The following DST variants were observed in gnomAD, a reference collection of about 807,000 sequenced individuals.
The protein encoded by DST is bullous pemphigoid antigen.
A neutral mutation model predicts 875.2 loss-of-function variants in DST; 253 were observed. The observed-to-expected ratio is 0.29, with a 90% CI of 0.26 to 0.32. The LOEUF (loss-of-function observed/expected upper bound fraction) is 0.32, where lower values mean the gene tolerates loss of function less well. Ranked by LOEUF, DST falls within the 10% of genes least tolerant of loss-of-function variation. The pLI, the probability that DST is intolerant of heterozygous loss-of-function variation, is 1.00. For missense variants in DST, 8,287 were observed against 9,111.6 expected, an observed-to-expected ratio of 0.91 and a Z score of 3.68; for synonymous variants, 3,124 against 3,197.1, an observed-to-expected ratio of 0.98 and a Z score of 0.77.
At chr6:56,538,978 T>G (rs6906792) in intron 61 of DST, among the ~76,000 whole-genome samples, 99,966 of 151,914 alleles carry the variant, frequency 0.66, 33,456 homozygotes, top group Non-Finnish European at 0.71. Context: ...CTTCCAGGAC[T>G]AATAGCTTTG....
intron 60 of DST, among the ~76,000 whole-genome samples, 198 bp downstream of exon 60, chr6:56,555,147 G>A (rs902884853): frequency 2.6e-5 from 4 of 152,272 alleles, no homozygotes; most frequent in African/African-American, 9.6e-5. Context: ...GATTATGTGT[G>A]TAGAATGACC....
intron 31 of DST, 143 bp downstream of exon 31, chr6:56,630,102 A>T (rs767878576): frequency 1.5e-6 from 1 of 686,498 alleles, no homozygotes; most frequent in Non-Finnish European, 2.5e-6. Context: ...TACTTAGAGT[A>T]AACTGTGAGA....
rs1160205003 is a variant in DST at position 56,604,832 on chromosome 6, C to G, written c.9796G>C (p.Glu3266Gln). 6.2e-7 allele frequency: 1 copy of G among 1,612,606 alleles called. No individual in the cohort carries two copies. The highest frequency in any genetic ancestry group is 8.5e-7 in the Non-Finnish European group (1 of 1,179,284). The change falls in exon 40 of 104, where the codon GAA becomes CAA. Residue 3266 changes from glutamate to glutamine, a missense_variant. Glu to Gln is a conservative substitution (Grantham distance 29). This residue lies in a region of DST where 3,138 missense variants were observed against 3,116.6 expected (regional missense o/e 1.01). Coordinates refer to ENST00000680361, the MANE Select transcript of DST (RefSeq NM_001374736.1). ...GGTEISQFTP[E>Q]SIEATLSILS... ...ATTGAAAGTGTGGCTTCAATACTTT[C>G]TGGTGTGAACTGAGAAATTTCTGTT... is the stretch of plus-strand genomic sequence containing the variant.
intron 100 of DST, chr6:56,464,098 A>G (rs2094465184): frequency 2.5e-6 from 1 of 398,404 alleles, no homozygotes; most frequent in African/African-American, 2.1e-5. Flanking sequence ...CCAGCTACAG[A>G]TGCCCACATG....
chr6:56,644,611 T>A (rs1338279212), intron 15 of DST, among the ~76,000 whole-genome samples: 1 of 152,136 alleles, frequency 6.6e-6, no homozygotes, highest in African/African-American at 2.4e-5. Flanking sequence ...ACAACCAAGA[T>A]AAGCACTATG....
intron 10 of DST, among the ~76,000 whole-genome samples, chr6:56,657,147 T>C (rs2099012883): frequency 6.6e-6 from 1 of 152,142 alleles, no homozygotes; most frequent in South Asian, 2.1e-4. Context: ...ATTATAAGCA[T>C]TTTGTATTGG....
intron 4 of DST, among the ~76,000 whole-genome samples, chr6:56,849,384 G>A (rs989435519): frequency 2.6e-5 from 4 of 151,982 alleles, no homozygotes; most frequent in African/African-American, 7.3e-5. Context: ...ATCCGCCCAC[G>A]GGGGCCTCCC....
At chr6:56,903,051 G>A (rs929780414) in intron 2 of DST, among the ~76,000 whole-genome samples, 4 of 150,412 alleles carry the variant, frequency 2.7e-5, no homozygotes, top group Admixed American at 2.0e-4. Flanking sequence ...CCAGAGTTTA[G>A]TTTGACCACT....
chr6:56,596,872 G>C (rs1563065308), intron 47 of DST, among the ~76,000 whole-genome samples: 1 of 152,184 alleles, frequency 6.6e-6, no homozygotes, highest in Non-Finnish European at 1.5e-5. Context: ...GGAGTAAATT[G>C]GTAGAAGGGC....
chr6:56,817,949 T>C (rs527499923), intron 4 of DST, among the ~76,000 whole-genome samples: 1 of 152,152 alleles, frequency 6.6e-6, no homozygotes, highest in Non-Finnish European at 1.5e-5. Flanking sequence ...ATCAAAAGGG[T>C]TATCAAAAGA....
At chr6:56,699,853 T>A (rs2099286272) in intron 8 of DST, 108 bp from the exon 9 acceptor site, 1 of 535,832 alleles carries the variant, frequency 1.9e-6, no homozygotes, top group Non-Finnish European at 3.2e-6. Context: ...AAAAATGGAA[T>A]AATTTAAACA....
At chr6:56,716,609 T>C (rs969709306) in intron 5 of DST, among the ~76,000 whole-genome samples, 2 of 152,146 alleles carry the variant, frequency 1.3e-5, no homozygotes, top group Non-Finnish European at 2.9e-5. Flanking sequence ...CAGCTACTCA[T>C]GAAACTGCCT....
intron 50 of DST, among the ~76,000 whole-genome samples, chr6:56,574,645 TAAA>T (rs200882784): frequency 1.4e-5 from 2 of 144,876 alleles, no homozygotes; most frequent in Non-Finnish European, 3.1e-5. Context: ...TTCAAGATGC[TAAA>T]AAAAAAAACC....
intron 5 of DST, among the ~76,000 whole-genome samples, chr6:56,712,323 G>A (rs1287123837): frequency 6.6e-6 from 1 of 152,106 alleles, no homozygotes; most frequent in Admixed American, 6.5e-5. Context: ...AAGGAAAAGA[G>A]GAGAAACCAA....
At chr6:56,651,400 C>G (rs2098974960) in intron 10 of DST, among the ~76,000 whole-genome samples, 156 bp from the exon 11 acceptor site, 1 of 152,174 alleles carries the variant, frequency 6.6e-6, no homozygotes. Flanking sequence ...TAACATTGCT[C>G]ACTTATCTCA....
chr6:56,618,503 T>A lies in DST; in HGVS notation c.4930-4019A>T, dbSNP rs1269420576. The A allele has an allele frequency of 1.2e-6, 2 of 1,614,178 alleles. No homozygotes were observed. Among genetic ancestry groups the A allele is most frequent in the African/African-American group, 2.7e-5 (2 of 75,054 alleles). On this transcript the variant is annotated intron_variant, in intron 36 of 103. Transcript: ENST00000680361. ...CTGTTGGTCCATTTTTTGCTTCAGG[T>A]TTTCAACCTCACGCTTCTGGGCTAT...
At chr6:56,773,414 G>A (rs1159368746) in intron 4 of DST, among the ~76,000 whole-genome samples, 1 of 151,178 alleles carries the variant, frequency 6.6e-6, no homozygotes, top group Admixed American at 6.6e-5. Context: ...CCCAGATTTG[G>A]GTCCCCTGAA....
At chr6:56,731,438 A>G (rs1279185905) in intron 5 of DST, among the ~76,000 whole-genome samples, 1 of 152,220 alleles carries the variant, frequency 6.6e-6, no homozygotes, top group Admixed American at 6.5e-5. Flanking sequence ...GAAACACAAT[A>G]GTTTGTTAAA....
intron 2 of DST, among the ~76,000 whole-genome samples, chr6:56,910,156 G>T (rs1430431941): frequency 6.6e-6 from 1 of 152,134 alleles, no homozygotes; most frequent in Non-Finnish European, 1.5e-5. Flanking sequence ...CTAGGGAACT[G>T]CACATTTCTT....
Sources: allele counts gnomAD v4.1 joint callset (sites outside exome capture counted in the v4.1 genomes callset), GRCh38; gene constraint gnomAD v4.1.1; regional missense constraint gnomAD v4.1.1; transcripts MANE v1.5; gene names NCBI Gene and HGNC (gene_info 2026-07-23, HGNC 2026-07-21).